The following FGF13 variants were observed in gnomAD, a reference collection of about 807,000 sequenced individuals.
FGF13 encodes the protein fibroblast growth factor 13.
A neutral mutation model predicts 19.5 loss-of-function variants in FGF13; 2 were observed. The ratio of observed to expected loss-of-function variants is 0.10; its 90% CI spans 0.04 to 0.32. The LOEUF is 0.32. FGF13 is among the 10% of genes least tolerant of loss of function. FGF13 has a pLI of 1.00. For synonymous variants in FGF13, 72 were observed against 76.9 expected, an observed-to-expected ratio of 0.94 and a Z score of 0.33; for missense variants, 113 against 192.7, an observed-to-expected ratio of 0.59 and a Z score of 2.45.
At chrX:138,846,571 A>G (rs1275267490) in intron 3 of FGF13, among the ~76,000 whole-genome samples, 1 of 112,332 alleles carries the variant, frequency 8.9e-6, no homozygotes, top group Admixed American at 9.4e-5. Flanking sequence ...GCCTTCTGCC[A>G]TGATTAAATG....
Position 138,630,133 on chromosome X carries a change from A to C in FGF13, c.*2717T>G, listed in dbSNP as rs767244808. On this transcript the variant is annotated 3_prime_UTR_variant, in exon 5 of 5. Coordinates refer to ENST00000315930, the MANE Select transcript of FGF13 (RefSeq NM_004114.5). ...TTTATTTACTTATTAATTTATTTTA[A>C]CACCACTGTCTGTTTAAAGCAACTT... is the stretch of plus-strand genomic sequence containing the variant. 1 of 110,826 alleles carries C rather than the reference A, an allele frequency of 9.0e-6. No homozygotes were observed. The highest frequency in any genetic ancestry group is 1.9e-5 in the Non-Finnish European group (1 of 53,043). The allele number at this position is 110,826 out of a possible 1,213,427, so 9.1% of individuals were successfully genotyped here.
chrX:139,065,497 A>AC (rs2092352351), intron 1 of FGF13, among the ~76,000 whole-genome samples: 1 of 68,605 alleles, frequency 1.5e-5, no homozygotes, highest in East Asian at 4.1e-4. Flanking sequence ...AAAAAAAAAG[A>AC]AAAAGAAAAA....
intron 1 of FGF13, among the ~76,000 whole-genome samples, chrX:139,149,074 C>T (rs775484993): frequency 6.3e-5 from 7 of 111,880 alleles, no homozygotes; most frequent in Non-Finnish European, 1.1e-4. Context: ...TGACCTTGAC[C>T]TTTTCTGCTG....
intron 1 of FGF13, among the ~76,000 whole-genome samples, chrX:138,887,464 C>G (rs1379724775): frequency 9.0e-6 from 1 of 111,563 alleles, no homozygotes; most frequent in Non-Finnish European, 1.9e-5. Flanking sequence ...AGGCCTCTTC[C>G]TTGTTGAGCT....
chrX:138,780,422 C>T (rs1309310101), intron 3 of FGF13, among the ~76,000 whole-genome samples: 3 of 91,105 alleles, frequency 3.3e-5, no homozygotes, highest in African/African-American at 1.4e-4. Flanking sequence ...GGAAACCCAT[C>T]TCACCTGCAG....
In FGF13 at chrX:138,955,516, AC is replaced by A. The variant is rs774220344; in HGVS notation, c.-112-90867del. The stretch of plus-strand genomic sequence containing the variant: ...TGATTGATGAAAGCATGGAGGCCCA[AC>A]AAGAATAAGTTAACTCGACCAAGGT... On this transcript the variant is annotated intron_variant, in intron 1 of 2. Transcript: ENST00000421460. 1.5e-3 allele frequency among the ~76,000 whole-genome samples: 172 copies of A among 112,139 alleles called. 1 individual carries two copies. The highest frequency in any genetic ancestry group is 2.6e-3 in the Non-Finnish European group (137 of 53,188).
At chrX:139,042,153 G>A (rs1188165452) in intron 1 of FGF13, among the ~76,000 whole-genome samples, 4 of 112,089 alleles carry the variant, frequency 3.6e-5, no homozygotes, top group Non-Finnish European at 7.5e-5. Context: ...CAATAAAGAC[G>A]GCATGGTTAC....
intron 3 of FGF13, among the ~76,000 whole-genome samples, chrX:138,847,666 T>A (rs770450889): frequency 8.9e-6 from 1 of 111,977 alleles, no homozygotes; most frequent in South Asian, 3.7e-4. Context: ...AAAAATGCCG[T>A]AGAGTATAAG....
chrX:138,901,580 A>T (rs774898335), intron 1 of FGF13, among the ~76,000 whole-genome samples: 10 of 111,641 alleles, frequency 9.0e-5, no homozygotes, highest in African/African-American at 3.3e-4. Context: ...GAGCCTTTGG[A>T]TATAAAGTGT....
At chrX:139,062,784 G>C (rs1022729846) in intron 1 of FGF13, among the ~76,000 whole-genome samples, 2 of 111,863 alleles carry the variant, frequency 1.8e-5, no homozygotes, top group African/African-American at 6.5e-5. Context: ...ACACTAAGAG[G>C]GGGGCACACA....
chrX:139,028,614 TGTGA>T lies in FGF13; in HGVS notation c.-112-163968_-112-163965del, dbSNP rs1287172971. ...GTGTGTGTGTGTGTGTGTGTGTGTGTGTGAGAGAGAGAGAGAGAGAGTGTGTGTG... is the reference window on the plus strand; with the variant it reads ...GTGTGTGTGTGTGTGTGTGTGTGTGTGAGAGAGAGAGAGAGAGTGTGTGTG... On this transcript the variant is annotated intron_variant, in intron 1 of 2. Transcript: ENST00000421460. Among the ~76,000 whole-genome samples, 243 of 51,009 alleles carry T rather than the reference TGTGA, an allele frequency of 4.8e-3. 1 individual carries two copies. The highest frequency in any genetic ancestry group is 0.018 in the African/African-American group (212 of 11,880). 44.3% of individuals were successfully genotyped at this position (51,009 alleles called of 115,157 possible).
At chrX:139,028,646 TGTGTGA>T (rs1302420608) in intron 1 of FGF13, among the ~76,000 whole-genome samples, 1,153 of 58,037 alleles carry the variant, frequency 0.02, 15 homozygotes, top group African/African-American at 0.07. Flanking sequence ...TGTGTGTGTG[TGTGTGA>T]GAGAGAGAGA....
At chrX:139,004,576 C>G (rs191215704) in intron 1 of FGF13, among the ~76,000 whole-genome samples, 65 of 112,663 alleles carry the variant, frequency 5.8e-4, no homozygotes, top group Admixed American at 1.6e-3. Flanking sequence ...ACTGCCAGCA[C>G]GCTGTCACGT....
intron 1 of FGF13, among the ~76,000 whole-genome samples, chrX:138,710,605 T>C (rs745795909): frequency 6.2e-5 from 7 of 112,683 alleles, no homozygotes; most frequent in Non-Finnish European, 1.3e-4. Context: ...CCCCAGGCTC[T>C]GCGCCTGTCC....
intron 3 of FGF13, among the ~76,000 whole-genome samples, chrX:138,752,857 C>T (rs1452556545): frequency 1.8e-5 from 2 of 112,111 alleles, no homozygotes; most frequent in East Asian, 5.6e-4. Context: ...ACATTTATCT[C>T]TGAGGCCATT....
chrX:138,710,699 T>A, intron 1 of FGF13, 118 bp downstream of exon 1: 2 of 1,094,066 alleles, frequency 1.8e-6, no homozygotes. Flanking sequence ...ACAGGCTAGG[T>A]GGCCTCTTCT....
intron 3 of FGF13, among the ~76,000 whole-genome samples, chrX:138,839,049 C>T (rs200857588): frequency 5.4e-5 from 6 of 111,110 alleles, no homozygotes; most frequent in East Asian, 5.7e-4. Flanking sequence ...GTAATTAGGG[C>T]GTGAAGGCTC....
At chrX:138,688,508 T>C (rs1393525068) in intron 3 of FGF13, among the ~76,000 whole-genome samples, 1 of 111,657 alleles carries the variant, frequency 9.0e-6, no homozygotes, top group Non-Finnish European at 1.9e-5. Context: ...TAGAGAAATG[T>C]CTGAAGTGAC....
At chrX:138,886,662 A>C in intron 1 of FGF13, among the ~76,000 whole-genome samples, 1 of 112,006 alleles carries the variant, frequency 8.9e-6, no homozygotes, top group East Asian at 2.8e-4. Flanking sequence ...TCATGAGATC[A>C]TGGATGTGAA....
Sources: allele counts gnomAD v4.1 joint callset (sites outside exome capture counted in the v4.1 genomes callset), GRCh38; gene constraint gnomAD v4.1.1; transcripts MANE v1.5; gene names NCBI Gene and HGNC (gene_info 2026-07-23, HGNC 2026-07-21).